Variants in MAP3K3 observed in about 807,000 individuals in gnomAD.
MAP3K3 encodes MAP/ERK kinase kinase 3.
In MAP3K3, 12 loss-of-function variants were observed where a neutral mutation model predicts 80.9. The ratio of observed to expected loss-of-function variants is 0.15; its 90% CI spans 0.10 to 0.24. The LOEUF (loss-of-function observed/expected upper bound fraction) is 0.24. Among genes scored for constraint, MAP3K3 ranks in the 10% least tolerant of loss-of-function variants. MAP3K3 has a pLI of 1.00. For synonymous variants in MAP3K3, 272 were observed against 307.1 expected (o/e 0.89, Z 1.19); for missense variants, 596 against 834.7 (o/e 0.71, Z 3.52).
At chr17:63,645,365 G>GC in intron 2 of MAP3K3, among the ~76,000 whole-genome samples, 2 of 152,286 alleles carry the variant, frequency 1.3e-5, no homozygotes, top group East Asian at 3.9e-4. Context: ...GGCTACTCAT[G>GC]ATGGTCATTT....
At chr17:63,639,461 G>C (rs138625402) in intron 2 of MAP3K3, among the ~76,000 whole-genome samples, 65 of 152,346 alleles carry the variant, frequency 4.3e-4, no homozygotes, top group African/African-American at 1.2e-3. Flanking sequence ...AGGGCTTTGA[G>C]TGATAGCAGA....
intron 6 of MAP3K3, among the ~76,000 whole-genome samples, chr17:63,678,657 T>C (rs1408768679): frequency 3.9e-5 from 6 of 152,222 alleles, no homozygotes; most frequent in Non-Finnish European, 1.5e-5. Context: ...ACCAGTTCAG[T>C]GGTGAATTCT....
rs2034420141 is a variant in MAP3K3 at position 63,640,600 on chromosome 17, T to G, written c.127-5434T>G. 2.0e-5 allele frequency among the ~76,000 whole-genome samples: 3 copies of G among 152,244 alleles called. No homozygotes were observed. In the South Asian group the frequency reaches 6.2e-4, roughly 31 times the overall value. ...ACACAGGGCAATTTATGGTCTTTCT[T>G]TATTCTACTTATTGTGAATATTCAT... On this transcript the variant is annotated intron_variant, in intron 2 of 15. Transcript: ENST00000361733.
At chr17:63,624,311 C>A (rs1283978039) in intron 1 of MAP3K3, among the ~76,000 whole-genome samples, 1 of 152,108 alleles carries the variant, frequency 6.6e-6, no homozygotes, top group Non-Finnish European at 1.5e-5. Flanking sequence ...GTCTTTCTTA[C>A]AAGTCTTTTT....
At chr17:63,664,438 T>G (rs2034960738) in intron 5 of MAP3K3, among the ~76,000 whole-genome samples, 1 of 152,164 alleles carries the variant, frequency 6.6e-6, no homozygotes, top group African/African-American at 2.4e-5. Flanking sequence ...GTGCCATTTC[T>G]TACCTTACAT....
At chr17:63,653,536 C>G (rs569853875) in intron 4 of MAP3K3, among the ~76,000 whole-genome samples, 2 of 152,206 alleles carry the variant, frequency 1.3e-5, no homozygotes, top group Non-Finnish European at 2.9e-5. Flanking sequence ...CCTGATGTTT[C>G]TTTATTCTAA....
Position 63,689,305 on chromosome 17 carries a change from A to G in MAP3K3, c.872-239A>G. 2 of 562,828 alleles carry G rather than the reference A, an allele frequency of 3.6e-6. No homozygotes were observed. The highest frequency in any genetic ancestry group is 3.0e-5 in the East Asian group (1 of 33,852). The allele number at this position is 562,828 out of a possible 1,614,324, so 34.9% of individuals were successfully genotyped here. A position where few individuals can be genotyped will look rare whatever the true frequency, so the allele number is the denominator to read the frequency against. On this transcript the variant is annotated intron_variant, in intron 10 of 15. Transcript: ENST00000361733. This position sits in a 1 kb window ranked among gnomAD's most constrained non-coding sequence, Gnocchi z 4.3. ...TGGCCAGATCTCCCTGAACCAGACT[A>G]CTTCCTAATTTCTGCTTTTGTCCTG... is the stretch of plus-strand genomic sequence containing the variant.
At position 63,622,772 on chromosome 17, in the gene MAP3K3, C is replaced by T; in HGVS notation, c.4+9C>T. On this transcript the variant is annotated intron_variant, in intron 1 of 15. Transcript: ENST00000361733. ...CGCCATCGCCACCATGGGTAAGTGT[C>T]GCCACCGCCCCGGCCTGTGCCCGCG... 1.9e-6 allele frequency: 1 copy of T among 525,944 alleles called. No homozygotes were observed. The highest frequency in any genetic ancestry group is 2.2e-5 in the Admixed American group (1 of 44,726). The allele number at this position is 525,944 out of a possible 1,614,324, so 32.6% of individuals were successfully genotyped here.
At chr17:63,688,081 T>A in intron 8 of MAP3K3, 1 of 226,030 alleles carries the variant, frequency 4.4e-6, no homozygotes, top group Non-Finnish European at 8.9e-6. Context: ...CTATTTTTAT[T>A]ATATGGTGTA....
intron 7 of MAP3K3, among the ~76,000 whole-genome samples, chr17:63,682,918 G>A (rs977702226): frequency 1.1e-4 from 16 of 152,186 alleles, no homozygotes; most frequent in Non-Finnish European, 4.4e-5. Context: ...ATCACCTTAG[G>A]GTGTGTCTAC....
intron 8 of MAP3K3, chr17:63,688,183 G>A: frequency 5.7e-6 from 2 of 352,292 alleles, no homozygotes; most frequent in South Asian, 6.6e-5. Context: ...CGATGATGCT[G>A]TGGCTGTTTT....
chr17:63,694,873 C>CGG lies in MAP3K3; in HGVS notation c.*1096_*1097insGG. 1 of 154,232 alleles carries CGG rather than the reference C, an allele frequency of 6.5e-6. No homozygotes were observed. Among genetic ancestry groups the CGG allele is most frequent in the East Asian group, 1.9e-4 (1 of 5,246 alleles). The allele number at this position is 154,232 out of a possible 1,614,324, so 9.6% of individuals were successfully genotyped here. A position where few individuals can be genotyped will look rare whatever the true frequency, so the allele number is the denominator to read the frequency against. On this transcript the variant is annotated 3_prime_UTR_variant, in exon 16 of 16. Coordinates refer to ENST00000361733, the MANE Select transcript of MAP3K3 (RefSeq NM_002401.5). The stretch of plus-strand genomic sequence containing the variant: ...CTTCCTCAGCCAGCCTCGCCCATCC[C>CGG]CTTGAGGTCTCAGCCCCTTTCCCTT...
intron 6 of MAP3K3, among the ~76,000 whole-genome samples, chr17:63,673,628 C>T (rs769570855): frequency 5.3e-5 from 8 of 152,118 alleles, no homozygotes; most frequent in Non-Finnish European, 8.8e-5. Context: ...AAGGACTTGT[C>T]GGCGGGGTGC....
Position 63,692,840 on chromosome 17 carries a change from G to A in MAP3K3, c.1652+421G>A, listed in dbSNP as rs778838516. On this transcript the variant is annotated intron_variant, in intron 15 of 15. Coordinates refer to ENST00000361733, the MANE Select transcript of MAP3K3 (RefSeq NM_002401.5). This position sits in a 1 kb window ranked among gnomAD's most constrained non-coding sequence, Gnocchi z 4.5. ...GAGCTTCTCCCCTTGGAAAGCTATT[G>A]TGGTGGGCTGAATAATGGCCCCCCC... Among the ~76,000 whole-genome samples, 3 of 152,192 alleles carry A rather than the reference G, an allele frequency of 2.0e-5. No individual in the cohort carries two copies. The highest frequency in any genetic ancestry group is 6.5e-5 in the Admixed American group (1 of 15,288).
At chr17:63,679,655 T>G (rs567287746) in intron 6 of MAP3K3, among the ~76,000 whole-genome samples, 4 of 152,130 alleles carry the variant, frequency 2.6e-5, no homozygotes, top group Non-Finnish European at 5.9e-5. Flanking sequence ...TTAAAATATT[T>G]TTTGTAGAGA....
At chr17:63,671,345 T>C (rs566752561) in intron 6 of MAP3K3, among the ~76,000 whole-genome samples, 124 of 146,284 alleles carry the variant, frequency 8.5e-4, no homozygotes, top group African/African-American at 3.1e-3. Flanking sequence ...AACCTCCGCC[T>C]CCCGGGTTCA....
chr17:63,652,522 A>G lies in MAP3K3; in HGVS notation c.168-35A>G, dbSNP rs8080211. 342,062 of 1,395,024 alleles carry G rather than the reference A, an allele frequency of 0.25. 44,415 individuals carry two copies. The highest frequency in any genetic ancestry group is 0.28 in the Middle Eastern group (1,558 of 5,630). 86.4% of individuals were successfully genotyped at this position (1,395,024 alleles called of 1,614,324 possible). On this transcript the variant is annotated intron_variant, in intron 3 of 15. Transcript: ENST00000361733. ...TTTTTAAACCCTACGTTTTAAGTAT[A>G]CAATTAACCAACCTTTCTTTCTGTT...
At position 63,665,034 on chromosome 17, in the gene MAP3K3, C is replaced by T. The variant is rs191934192; in HGVS notation, c.382-1906C>T. 6.6e-5 allele frequency among the ~76,000 whole-genome samples: 10 copies of T among 152,146 alleles called. No homozygotes were observed. In the East Asian group the frequency reaches 1.2e-3, roughly 18 times the overall value. Reference sequence around the variant, plus strand: ...ATCTCCACAGGCAGCTGGGCATGGTCGCTCACCCCTGTAATCCCAGCACTT... The same window carrying T: ...ATCTCCACAGGCAGCTGGGCATGGTTGCTCACCCCTGTAATCCCAGCACTT... On this transcript the variant is annotated intron_variant, in intron 5 of 15. Coordinates refer to ENST00000361733, the MANE Select transcript of MAP3K3 (RefSeq NM_002401.5).
chr17:63,665,290 T>C (rs1167328274), intron 5 of MAP3K3, among the ~76,000 whole-genome samples: 1 of 151,726 alleles, frequency 6.6e-6, no homozygotes, highest in African/African-American at 2.4e-5. Flanking sequence ...CTCAGCCTCC[T>C]GAGTAGCTGG....
Sources: allele counts gnomAD v4.1 joint callset (sites outside exome capture counted in the v4.1 genomes callset), GRCh38; gene constraint gnomAD v4.1.1; non-coding constraint Gnocchi (gnomAD v3.1); transcripts MANE v1.5; gene names NCBI Gene and HGNC (gene_info 2026-07-23, HGNC 2026-07-21).